The following CCDC14 variants were observed in gnomAD, a reference collection of about 807,000 sequenced individuals.
CCDC14 encodes the protein coiled-coil domain-containing protein 14.
A neutral mutation model predicts 81.4 loss-of-function variants in CCDC14; 71 were observed. The observed-to-expected ratio is 0.87, with a 90% CI of 0.72 to 1.06. CCDC14 has a LOEUF of 1.06. CCDC14 is among the 50% of genes least tolerant of loss of function. CCDC14 has a pLI of 0.00. For missense variants in CCDC14, 1,046 were observed against 1,047.3 expected, an observed-to-expected ratio of 1.00 and a Z score of 0.02; for synonymous variants, 332 against 364.8, an observed-to-expected ratio of 0.91 and a Z score of 1.03.
downstream of CCDC14, among the ~76,000 whole-genome samples, chr3:123,893,923 C>A (rs1464047711): frequency 6.6e-6 from 1 of 152,064 alleles, no homozygotes; most frequent in African/African-American, 2.4e-5. Context: ...TTGCAGGGTT[C>A]TTTACATATT....
At chr3:123,941,706 C>CA (rs1371132570) in intron 9 of CCDC14, among the ~76,000 whole-genome samples, 1 of 151,988 alleles carries the variant, frequency 6.6e-6, no homozygotes, top group Non-Finnish European at 1.5e-5. Flanking sequence ...CCTGTAAAGA[C>CA]AGCCAGCCAA....
At chr3:123,945,103 T>C (rs185358934) in intron 8 of CCDC14, 113 bp from the exon 9 acceptor site, 50 of 533,762 alleles carry the variant, frequency 9.4e-5, no homozygotes, top group Non-Finnish European at 1.4e-4. Flanking sequence ...TTGTTATAAA[T>C]TCAACTCAAT....
intron 9 of CCDC14, among the ~76,000 whole-genome samples, chr3:123,936,775 T>C (rs1457981056): frequency 6.6e-6 from 1 of 152,032 alleles, no homozygotes; most frequent in Non-Finnish European, 1.5e-5. Flanking sequence ...TAATAACATG[T>C]ATAACAAACC....
At chr3:123,887,892 T>G in the CCDC14 span, among the ~76,000 whole-genome samples, 152 of 152,278 alleles carry the variant, frequency 1.0e-3, 2 homozygotes, top group East Asian at 2.7e-3. Context: ...TCTTCAACAT[T>G]TGTCACTTTC....
chr3:123,914,220 A>G lies in CCDC14; in HGVS notation c.*559T>C. 1 of 984,464 alleles carries G rather than the reference A, an allele frequency of 1.0e-6. No homozygotes were observed. Among genetic ancestry groups the G allele is most frequent in the Non-Finnish European group, 1.2e-6 (1 of 828,710 alleles). 61.0% of individuals were successfully genotyped at this position (984,464 alleles called of 1,614,324 possible). On this transcript the variant is annotated 3_prime_UTR_variant, in exon 13 of 13. Coordinates refer to ENST00000409697, the MANE Select transcript of CCDC14 (RefSeq NM_001366335.1). The stretch of plus-strand genomic sequence containing the variant: ...CATATGTTAACTTAGGATGTTATCT[A>G]TATATTTTTTAGACCAATCAATGTT...
exon 6 of CCDC14, chr3:123,897,538 T>C (rs1300168305): frequency 1.0e-6 from 1 of 986,082 alleles, no homozygotes; most frequent in Admixed American, 2.5e-5. Flanking sequence ...CAGTTCTGCT[T>C]TTCCGTAGTT....
At chr3:123,948,475 C>T (rs958305484) in intron 7 of CCDC14, among the ~76,000 whole-genome samples, 14 of 152,054 alleles carry the variant, frequency 9.2e-5, no homozygotes, top group African/African-American at 2.2e-4. Context: ...CTCCAGACCT[C>T]GTGATCCACC....
intron 5 of CCDC14, among the ~76,000 whole-genome samples, chr3:123,951,739 T>C (rs1017575495): frequency 2.0e-5 from 3 of 152,234 alleles, no homozygotes; most frequent in African/African-American, 7.2e-5. Flanking sequence ...TCACAGTTTC[T>C]AATAAAGCTG....
chr3:123,938,364 A>C (rs188915207), intron 9 of CCDC14, among the ~76,000 whole-genome samples: 2 of 151,984 alleles, frequency 1.3e-5, no homozygotes, highest in East Asian at 1.9e-4. Context: ...TAAATTGTTC[A>C]TATTTTTTTG....
chr3:123,935,885 G>C (rs2148877072), intron 9 of CCDC14, among the ~76,000 whole-genome samples: 1 of 152,008 alleles, frequency 6.6e-6, no homozygotes. Flanking sequence ...AAATAATGTG[G>C]TTTGGGGACA....
chr3:123,939,869 GA>G (rs1385273589), intron 9 of CCDC14, among the ~76,000 whole-genome samples: 1 of 151,876 alleles, frequency 6.6e-6, no homozygotes, highest in Non-Finnish European at 1.5e-5. Context: ...AGGAAGAAGA[GA>G]AAGTTACTGT....
chr3:123,956,591 AT>A lies in CCDC14; in HGVS notation c.86+148del, dbSNP rs2037339722. The stretch of plus-strand genomic sequence containing the variant: ...AGAAAGACTGTTAAATACTAAAATG[AT>A]TAACATGGGTAGACATGAAAAATTG... On this transcript the variant is annotated intron_variant, in intron 2 of 12. Transcript: ENST00000409697. 9 of 746,264 alleles carry A rather than the reference AT, an allele frequency of 1.2e-5. No homozygotes were observed. The South Asian group carries it at 1.4e-4, about 11-fold the overall frequency. The allele number at this position is 746,264 out of a possible 1,614,324, so 46.2% of individuals were successfully genotyped here.
intron 1 of CCDC14, among the ~76,000 whole-genome samples, chr3:123,959,117 T>C (rs1002861700): frequency 2.6e-5 from 4 of 152,200 alleles, no homozygotes; most frequent in Non-Finnish European, 4.4e-5. Context: ...AGTGCAAATA[T>C]CTCTTCTATA....
chr3:123,956,562 G>T, intron 2 of CCDC14, 135 bp from the exon 3 acceptor site: 1 of 754,988 alleles, frequency 1.3e-6, no homozygotes, highest in South Asian at 2.0e-5. Context: ...ACATTCTGAA[G>T]ATCAGAAAGA....
rs58318014 is a variant in CCDC14, at chr3:123,905,165, C to G, written c.668-7552G>C. On this transcript the variant is annotated intron_variant, in intron 5 of 5. Coordinates refer to the CCDC14 transcript ENST00000479903. ...ATGGTAATGTTACAGAAGTGACAGA[C>G]AAGTTAATAATGGATAACAGAATAT... Among the ~76,000 whole-genome samples, 4 of 152,148 alleles carry G rather than the reference C, an allele frequency of 2.6e-5. No homozygotes were observed. The South Asian group carries it at 8.3e-4, about 32-fold the overall frequency.
At chr3:123,924,910 T>C (rs2035266584) in intron 12 of CCDC14, among the ~76,000 whole-genome samples, 1 of 144,382 alleles carries the variant, frequency 6.9e-6, no homozygotes, top group Non-Finnish European at 1.5e-5. Context: ...TATGTACATA[T>C]CCATATATAT....
intron 12 of CCDC14, among the ~76,000 whole-genome samples, chr3:123,921,863 T>C (rs1215088430): frequency 1.3e-5 from 2 of 152,252 alleles, no homozygotes; most frequent in African/African-American, 2.4e-5. Flanking sequence ...TTGGACAAGC[T>C]TGGTTTAGAC....
At chr3:123,888,574 T>C in the CCDC14 span, among the ~76,000 whole-genome samples, 9 of 152,190 alleles carry the variant, frequency 5.9e-5, no homozygotes, top group African/African-American at 1.9e-4. Context: ...AGAGATTTAA[T>C]TGACTGACAG....
At position 123,916,557 on chromosome 3, in the gene CCDC14, C is replaced by T. The variant is rs1454056367; in HGVS notation, c.1779-839G>A. ...AATTATCTGGCATAATAGGTATAAG[C>T]AACAGCTAGGTACCAGAAAGGTGTA... On this transcript the variant is annotated intron_variant, in intron 12 of 12. Transcript: ENST00000409697. Among the ~76,000 whole-genome samples the T allele has an allele frequency of 2.0e-5, 3 of 150,002 alleles. No individual in the cohort carries two copies. The East Asian group carries it at 6.1e-4, about 30-fold the overall frequency.
Sources: gnomAD v4.1 joint callset for allele counts (sites outside exome capture counted in the v4.1 genomes callset) on GRCh38, gnomAD v4.1.1 for gene constraint, MANE v1.5 for transcripts, NCBI Gene and HGNC (gene_info 2026-07-23, HGNC 2026-07-21) for gene names.